Variants in CREBBP observed in about 807,000 individuals in gnomAD.
CREBBP encodes the protein CREB binding lysine acetyltransferase.
In CREBBP, 19 loss-of-function variants were observed where a neutral mutation model predicts 265.0. The ratio of observed to expected loss-of-function variants is 0.07; its 90% confidence interval spans 0.05 to 0.11. The LOEUF is 0.11. CREBBP is among the 10% of genes least tolerant of loss of function. The probability of loss-of-function intolerance (pLI) is 1.00; values close to 1 mark genes in which losing one functional copy is unlikely to be tolerated. For missense variants in CREBBP, 2,525 were observed against 3,219.0 expected, an observed-to-expected ratio of 0.78 and a Z score of 5.22; for synonymous variants, 1,457 against 1,223.7, an observed-to-expected ratio of 1.19 and a Z score of -3.98.
intron 2 of CREBBP, among the ~76,000 whole-genome samples, chr16:3,828,521 A>G (rs1296774146): frequency 6.6e-6 from 1 of 152,248 alleles, no homozygotes; most frequent in Non-Finnish European, 1.5e-5. Flanking sequence ...AAAAGGAATA[A>G]GCAGTAAATT....
At chr16:3,849,157 G>C (rs1222593547) in intron 2 of CREBBP, among the ~76,000 whole-genome samples, 1 of 152,140 alleles carries the variant, frequency 6.6e-6, no homozygotes, top group East Asian at 1.9e-4. Flanking sequence ...CTGTTGAGAA[G>C]CCTCTGGCCG....
Position 3,798,648 on chromosome 16 carries a change from T to G in CREBBP, c.976-5022A>C, listed in dbSNP as rs577516844. ...GAGATACCACTTCACACCCACCACATGGCTATAATAAAAAGTCAAATGCTA... is the reference window on the plus strand; with the variant it reads ...GAGATACCACTTCACACCCACCACAGGGCTATAATAAAAAGTCAAATGCTA... On this transcript the variant is annotated intron_variant, in intron 3 of 30. Transcript: ENST00000262367. 2.0e-5 allele frequency among the ~76,000 whole-genome samples: 3 copies of G among 152,284 alleles called. No homozygotes were observed. In the South Asian group the frequency reaches 6.2e-4, roughly 32 times the overall value.
At chr16:3,792,206 A>ATTT in intron 4 of CREBBP, 112 bp from the exon 5 acceptor site, 3 of 910,712 alleles carry the variant, frequency 3.3e-6, no homozygotes, top group Non-Finnish European at 5.3e-6. Flanking sequence ...AAGTGTAACC[A>ATTT]TAACACAGTA....
chr16:3,866,353 T>C (rs2055178687), intron 1 of CREBBP, among the ~76,000 whole-genome samples: 1 of 152,156 alleles, frequency 6.6e-6, no homozygotes. Flanking sequence ...AAATGGAGCT[T>C]GTGACAAAGC....
chr16:3,732,770 G>A (rs886095647), intron 28 of CREBBP, among the ~76,000 whole-genome samples: 1 of 151,704 alleles, frequency 6.6e-6, no homozygotes, highest in African/African-American at 2.4e-5. Flanking sequence ...ACGCGATCTC[G>A]GCTCACTGCA....
chr16:3,801,594 CA>C (rs1567324100), intron 3 of CREBBP, among the ~76,000 whole-genome samples: 1 of 152,062 alleles, frequency 6.6e-6, no homozygotes, highest in Non-Finnish European at 1.5e-5. Flanking sequence ...CGCTTGAACC[CA>C]GGAAGTGGAG....
intron 3 of CREBBP, among the ~76,000 whole-genome samples, chr16:3,798,480 A>G (rs1255972669): frequency 6.6e-6 from 1 of 152,222 alleles, no homozygotes; most frequent in Non-Finnish European, 1.5e-5. Flanking sequence ...ACTCAGTAAT[A>G]AAAAGACTAA....
intron 30 of CREBBP, among the ~76,000 whole-genome samples, chr16:3,730,118 A>G (rs1488611288): frequency 6.6e-6 from 1 of 152,144 alleles, no homozygotes; most frequent in Non-Finnish European, 1.5e-5. Context: ...GGACGGGGGC[A>G]TGGACTGCCT....
At chr16:3,757,169 C>A in intron 19 of CREBBP, 119 bp downstream of exon 19, 1 of 843,462 alleles carries the variant, frequency 1.2e-6, no homozygotes. Context: ...CCACCACACC[C>A]GGCCTGAAAT....
intron 15 of CREBBP, among the ~76,000 whole-genome samples, chr16:3,768,197 G>C (rs1369147554): frequency 8.0e-6 from 1 of 125,470 alleles, no homozygotes. Context: ...CCAGGCTGGA[G>C]TGCAATGGCA....
In CREBBP at chr16:3,769,328, T is replaced by C. The variant is rs767409496; in HGVS notation, c.2906A>G (p.Asp969Gly). 4 of 1,614,038 alleles carry C rather than the reference T, an allele frequency of 2.5e-6. No individual in the cohort carries two copies. The highest frequency in any genetic ancestry group is 2.7e-5 in the African/African-American group (2 of 74,904). Residue 969 changes from aspartate (D) to glycine (G), a missense_variant, in exon 15 of 31, where the codon GAT becomes GGT. Asp to Gly is a moderately conservative substitution (Grantham distance 94). Coordinates refer to ENST00000262367, the MANE Select transcript of CREBBP (RefSeq NM_004380.3). ...TPLSQAAASI[D>G]NRVPTPSSVA... ...CGAGGAGGGGGTAGGGACTCTGTTA[T>C]CAATGCTGGCTGCTGCCTGGGAAAG...
intron 15 of CREBBP, among the ~76,000 whole-genome samples, chr16:3,768,954 A>C (rs1276075158): frequency 6.6e-6 from 1 of 152,234 alleles, no homozygotes; most frequent in Admixed American, 6.5e-5. Flanking sequence ...ATAAGCCAGT[A>C]TTCTTCATTT....
Position 3,776,770 on chromosome 16 carries a change from T to C in CREBBP, c.2158+843A>G, listed in dbSNP as rs574862917. On this transcript the variant is annotated intron_variant, in intron 11 of 30. Transcript: ENST00000262367. ...GCTCATGCCTGTAATCCCAGCACTT[T>C]GGAAGGCCAAGGTGGGCAGATCACA... 6.2e-4 allele frequency among the ~76,000 whole-genome samples: 94 copies of C among 151,982 alleles called. 1 individual carries two copies. The South Asian group carries it at 0.019, about 31-fold the overall frequency.
chr16:3,761,752 A>C (rs2052724319), intron 16 of CREBBP, among the ~76,000 whole-genome samples: 1 of 152,232 alleles, frequency 6.6e-6, no homozygotes, highest in African/African-American at 2.4e-5. Context: ...TGCCCTTCAC[A>C]GTGGGAAGCG....
At chr16:3,837,317 T>A (rs1359059559) in intron 2 of CREBBP, among the ~76,000 whole-genome samples, 2 of 152,164 alleles carry the variant, frequency 1.3e-5, no homozygotes, top group African/African-American at 4.8e-5. Flanking sequence ...CAAAAAAGTT[T>A]AAAAAATTAA....
intron 1 of CREBBP, among the ~76,000 whole-genome samples, chr16:3,869,873 C>T (rs1245529907): frequency 6.6e-6 from 1 of 152,124 alleles, no homozygotes; most frequent in Non-Finnish European, 1.5e-5. Flanking sequence ...TCAGTGAAAG[C>T]AAAACACTTG....
At chr16:3,772,030 T>C (rs1290732730) in intron 13 of CREBBP, among the ~76,000 whole-genome samples, 1 of 151,986 alleles carries the variant, frequency 6.6e-6, no homozygotes, top group African/African-American at 2.4e-5. Flanking sequence ...TTTAATATTT[T>C]TGGACCACAG....
Position 3,782,704 on chromosome 16 carries a change from A to C in CREBBP, c.1553T>G (p.Met518Arg). Residue 518 changes from methionine to arginine, a missense_variant, in exon 6 of 31, where the codon ATG becomes AGG. Coordinates refer to ENST00000262367, the MANE Select transcript of CREBBP (RefSeq NM_004380.3). ...QPAQPQTHQQ[M>R]RTLNPLGNNP... ...CCTACCCAGGGGGTTGAGAGTCCTC[A>C]TCTGCTGGTGGGTTTGAGGCTGTGC... 6.2e-7 allele frequency: 1 copy of C among 1,614,164 alleles called. No homozygotes were observed. The highest frequency in any genetic ancestry group is 2.2e-5 in the East Asian group (1 of 44,884).
chr16:3,782,590 C>A, intron 6 of CREBBP, 94 bp downstream of exon 6: 1 of 1,520,472 alleles, frequency 6.6e-7, no homozygotes, highest in East Asian at 2.3e-5. Flanking sequence ...GTAAAAAACA[C>A]AAAACAAACT....
Sources: allele counts gnomAD v4.1 joint callset (sites outside exome capture counted in the v4.1 genomes callset), GRCh38; gene constraint gnomAD v4.1.1; transcripts MANE v1.5; gene names NCBI Gene and HGNC (gene_info 2026-07-23, HGNC 2026-07-21).